The following PHACTR1 variants were observed in gnomAD, a reference collection of about 807,000 sequenced individuals.
PHACTR1 encodes the protein phosphatase and actin regulator 1.
Under a neutral mutation model 69.2 loss-of-function variants are expected in PHACTR1, and 16 were observed. The observed-to-expected ratio is 0.23, with a 90% CI of 0.16 to 0.35. The LOEUF (loss-of-function observed/expected upper bound fraction) is 0.35. PHACTR1 is among the 10% of genes least tolerant of loss of function. PHACTR1 has a pLI of 1.00. For synonymous variants in PHACTR1, 312 were observed against 284.5 expected, an observed-to-expected ratio of 1.10 and a Z score of -0.97; for missense variants, 510 against 734.7, an observed-to-expected ratio of 0.69 and a Z score of 3.54.
chr6:13,016,574 T>A (rs534163214), intron 4 of PHACTR1, among the ~76,000 whole-genome samples: 1 of 152,244 alleles, frequency 6.6e-6, no homozygotes, highest in South Asian at 2.1e-4. Flanking sequence ...TATGTCTGGT[T>A]ATTGAGAGGT....
Position 13,182,607 on chromosome 6 carries a change from C to T in PHACTR1, c.585C>T (p.Ser195=), listed in dbSNP as rs373815868. The change falls in exon 7 of 15, where the codon TCC becomes TCT. Residue 195 remains serine (S), a synonymous_variant. Transcript: ENST00000332995. ...SSSQLSLPAL[S]EMEPVPMPRD... Reference sequence around the variant, plus strand: ...GCCAGCTGTCTCTGCCTGCCCTGTCCGAAATGGAGCCAGTCCCAATGCCCA... The same window carrying T: ...GCCAGCTGTCTCTGCCTGCCCTGTCTGAAATGGAGCCAGTCCCAATGCCCA... 1.7e-5 allele frequency: 28 copies of T among 1,612,182 alleles called. No homozygotes were observed. Among genetic ancestry groups the T allele is most frequent in the East Asian group, 2.2e-5 (1 of 44,792 alleles).
chr6:13,054,134 C>T (rs912924154), intron 5 of PHACTR1, among the ~76,000 whole-genome samples: 3 of 152,204 alleles, frequency 2.0e-5, no homozygotes, highest in African/African-American at 7.2e-5. Flanking sequence ...GGATTTGAAT[C>T]CCAAATCTGA....
At chr6:12,901,499 GGTTT>G (rs1175030630) in intron 4 of PHACTR1, among the ~76,000 whole-genome samples, 2 of 152,054 alleles carry the variant, frequency 1.3e-5, no homozygotes, top group Non-Finnish European at 2.9e-5. Flanking sequence ...CGCATTTTTT[GGTTT>G]GTTTGTTTTG....
chr6:13,114,111 C>G (rs1583418648), intron 5 of PHACTR1, among the ~76,000 whole-genome samples: 1 of 152,158 alleles, frequency 6.6e-6, no homozygotes, highest in African/African-American at 2.4e-5. Context: ...TCCGTGGCTT[C>G]CCTGCCCCCC....
chr6:13,027,710 C>G (rs1241690533), intron 4 of PHACTR1, among the ~76,000 whole-genome samples: 1 of 151,800 alleles, frequency 6.6e-6, no homozygotes, highest in Admixed American at 6.6e-5. Context: ...GAGTCTCACT[C>G]TGCCACCCAG....
chr6:13,109,938 T>C (rs1816778327), intron 5 of PHACTR1, among the ~76,000 whole-genome samples: 1 of 151,906 alleles, frequency 6.6e-6, no homozygotes, highest in East Asian at 1.9e-4. Flanking sequence ...TATTGTCTAA[T>C]CTGTTATTCT....
At chr6:13,211,186 G>GT (rs1383621406) in intron 8 of PHACTR1, among the ~76,000 whole-genome samples, 2 of 151,914 alleles carry the variant, frequency 1.3e-5, no homozygotes, top group African/African-American at 2.4e-5. Flanking sequence ...AAGTTCTTTA[G>GT]TGGTGATTTC....
At chr6:13,260,241 A>G (rs544646263) in intron 10 of PHACTR1, among the ~76,000 whole-genome samples, 7 of 152,314 alleles carry the variant, frequency 4.6e-5, no homozygotes, top group African/African-American at 1.7e-4. Context: ...GGATAAGGCC[A>G]TCGTCAAGAT....
chr6:12,794,810 G>C (rs1157971217), intron 4 of PHACTR1, among the ~76,000 whole-genome samples: 1 of 152,188 alleles, frequency 6.6e-6, no homozygotes, highest in African/African-American at 2.4e-5. Context: ...AGTAAGTGGT[G>C]TGAGTGTGAG....
At chr6:13,124,788 C>CAGAAG (rs1819271312) in intron 5 of PHACTR1, among the ~76,000 whole-genome samples, 1 of 152,178 alleles carries the variant, frequency 6.6e-6, no homozygotes, top group African/African-American at 2.4e-5. Context: ...ACTGTGTGCT[C>CAGAAG]ACGTGATGGA....
intron 4 of PHACTR1, among the ~76,000 whole-genome samples, chr6:12,753,943 A>AATATATATATATATATAT (rs775836853): frequency 1.2e-5 from 1 of 86,274 alleles, no homozygotes; most frequent in Non-Finnish European, 2.2e-5. Flanking sequence ...GCAAGTTGTA[A>AATATATATATATATATAT]ATATATATAT....
chr6:12,738,816 G>A (rs1242590023), intron 3 of PHACTR1, among the ~76,000 whole-genome samples: 1 of 152,194 alleles, frequency 6.6e-6, no homozygotes, highest in Non-Finnish European at 1.5e-5. Context: ...AGTGAGCCGA[G>A]ATCACGCCAC....
chr6:13,281,212 G>A (rs1434644562), intron 12 of PHACTR1: 1 of 1,101,740 alleles, frequency 9.1e-7, no homozygotes, highest in African/African-American at 1.6e-5. Flanking sequence ...AGAGAAATTT[G>A]AAAGTCAGGG....
In PHACTR1 at chr6:13,053,528, A is replaced by G; in HGVS notation, c.414A>G (p.Ala138=). 3 of 1,612,816 alleles carry G rather than the reference A, an allele frequency of 1.9e-6. No homozygotes were observed. Among genetic ancestry groups the G allele is most frequent in the South Asian group, 2.2e-5 (2 of 90,706 alleles). The change falls in exon 5 of 15, where the codon GCA becomes GCG. Residue 138 remains alanine, a splice_region_variant and synonymous_variant. Transcript: ENST00000332995. ...KKSEKFKHTS[A]ALERKISMRQ... ...GCGAAAAGTTCAAACACACGTCAGCAGGTAAGATGATTTGTTCTTTCATTT... is the reference window on the plus strand; with the variant it reads ...GCGAAAAGTTCAAACACACGTCAGCGGGTAAGATGATTTGTTCTTTCATTT...
At chr6:13,129,660 T>G (rs190852447) in intron 5 of PHACTR1, among the ~76,000 whole-genome samples, 9 of 152,146 alleles carry the variant, frequency 5.9e-5, no homozygotes, top group Admixed American at 4.6e-4. Context: ...TATAAAATAA[T>G]TACTACTAGA....
intron 5 of PHACTR1, among the ~76,000 whole-genome samples, chr6:13,125,070 A>C: frequency 6.6e-6 from 1 of 152,224 alleles, no homozygotes; most frequent in East Asian, 1.9e-4. Context: ...CCACAGGACA[A>C]TGAGAACAGT....
chr6:12,779,165 G>A (rs1464189510), intron 4 of PHACTR1, among the ~76,000 whole-genome samples: 1 of 152,102 alleles, frequency 6.6e-6, no homozygotes, highest in Non-Finnish European at 1.5e-5. Flanking sequence ...GAGAAACCCT[G>A]TCTCTACTAA....
intron 4 of PHACTR1, among the ~76,000 whole-genome samples, chr6:13,040,073 A>AT (rs1414252281): frequency 4.6e-5 from 7 of 152,200 alleles, no homozygotes; most frequent in African/African-American, 1.7e-4. Context: ...GCATCTTAGG[A>AT]TTTTAAAGAG....
At chr6:12,800,963 G>A (rs1273739597) in intron 4 of PHACTR1, among the ~76,000 whole-genome samples, 2 of 152,046 alleles carry the variant, frequency 1.3e-5, no homozygotes, top group Non-Finnish European at 2.9e-5. Context: ...GGTGAATTAT[G>A]CCAATACATT....
Sources: allele counts gnomAD v4.1 joint callset (sites outside exome capture counted in the v4.1 genomes callset), GRCh38; gene constraint gnomAD v4.1.1; transcripts MANE v1.5; gene names NCBI Gene and HGNC (gene_info 2026-07-23, HGNC 2026-07-21).